The following CHST6 variants were observed in gnomAD, a reference collection of about 807,000 sequenced individuals.
CHST6 encodes carbohydrate sulfotransferase 6.
For synonymous variants in CHST6, 309 were observed against 276.4 expected (o/e 1.12, Z -1.17); for missense variants, 698 against 586.2 (o/e 1.19, Z -1.97).
Position 75,473,746 on chromosome 16 carries a change from T to C in CHST6, c.*4895A>G, listed in dbSNP as rs2080038674. 1 of 152,212 alleles carries C rather than the reference T, an allele frequency of 6.6e-6. No individual in the cohort carries two copies. Among genetic ancestry groups the C allele is most frequent in the South Asian group, 2.1e-4 (1 of 4,838 alleles). The allele number at this position is 152,212 out of a possible 1,614,324, so 9.4% of individuals were successfully genotyped here. ...TACCACCTTTGGAAGCCTAAAACTG[T>C]TGTCCTTGGTCATCCTATCTCTACA... On this transcript the variant is annotated 3_prime_UTR_variant, in exon 3 of 3. Coordinates refer to ENST00000332272, the MANE Select transcript of CHST6 (RefSeq NM_021615.5).
intron 1 of CHST6, among the ~76,000 whole-genome samples, chr16:75,487,393 G>A (rs1043697685): frequency 2.6e-5 from 4 of 152,150 alleles, no homozygotes; most frequent in Middle Eastern, 3.2e-3. Flanking sequence ...GGCCGGGAGT[G>A]GTGGCTCACA....
intron 1 of CHST6, among the ~76,000 whole-genome samples, chr16:75,488,730 T>C (rs1023418659): frequency 1.3e-5 from 2 of 151,850 alleles, no homozygotes; most frequent in African/African-American, 4.8e-5. Flanking sequence ...ATGCCTGTAA[T>C]CCCAGCACTT....
At chr16:75,494,565 G>C (rs1160475724) in intron 1 of CHST6, among the ~76,000 whole-genome samples, 3 of 152,194 alleles carry the variant, frequency 2.0e-5, no homozygotes, top group African/African-American at 7.2e-5. Flanking sequence ...CAGTGACGCA[G>C]GACTCCAATT....
chr16:75,480,733 A>C (rs1157371649), intron 2 of CHST6, among the ~76,000 whole-genome samples: 1 of 151,976 alleles, frequency 6.6e-6, no homozygotes, highest in Non-Finnish European at 1.5e-5. Flanking sequence ...GTTCAAGACC[A>C]GCTTGGTCAA....
At chr16:75,490,402 T>C (rs937222593) in intron 1 of CHST6, among the ~76,000 whole-genome samples, 5 of 151,832 alleles carry the variant, frequency 3.3e-5, no homozygotes, top group African/African-American at 1.2e-4. Flanking sequence ...CACTTGAACC[T>C]GGGAGGCAGA....
intron 2 of CHST6, among the ~76,000 whole-genome samples, chr16:75,480,648 G>A (rs374508921): frequency 5.3e-5 from 8 of 151,972 alleles, no homozygotes; most frequent in African/African-American, 1.2e-4. Context: ...GCAAATAGGC[G>A]CTGGGCGTGG....
Position 75,478,855 on chromosome 16 carries a change from T to C in CHST6, c.974A>G (p.Asn325Ser), listed in dbSNP as rs147206186. 1 of 1,613,334 alleles carries C rather than the reference T, an allele frequency of 6.2e-7. No homozygotes were observed. Among genetic ancestry groups the C allele is most frequent in the Non-Finnish European group, 8.5e-7 (1 of 1,179,976 alleles). Residue 325 changes from asparagine to serine, a missense_variant, in exon 3 of 3, where the codon AAT becomes AGT. Physicochemically the swap from Asn to Ser is conservative, Grantham distance 46 (BLOSUM62 1). Coordinates refer to ENST00000332272, the MANE Select transcript of CHST6 (RefSeq NM_021615.5). Reference protein sequence around the residue: ...RREAFKTSSRNALNVSQAWRH... With the variant: ...RREAFKTSSRSALNVSQAWRH... ...CCAGGCCTGGGAGACGTTGAGCGCA[T>C]TCCTGGACGAAGTCTTGAAGGCTTC... is the stretch of plus-strand genomic sequence containing the variant.
In CHST6 at chr16:75,480,655, G is replaced by A. The variant is rs186170503; in HGVS notation, c.-16-811C>T. On this transcript the variant is annotated intron_variant, in intron 2 of 2. Coordinates refer to ENST00000332272, the MANE Select transcript of CHST6 (RefSeq NM_021615.5). ...GAAAATAAGCAAATAGGCGCTGGGC[G>A]TGGTGGCTCACGCCTGTAATCCCAG... Among the ~76,000 whole-genome samples the A allele has an allele frequency of 2.3e-3, 343 of 152,074 alleles. 1 individual carries two copies. Among genetic ancestry groups the A allele is most frequent in the Admixed American group, 5.4e-3 (82 of 15,268 alleles).
In CHST6 at chr16:75,491,218, T is replaced by TAAAA. The variant is rs1555501764; in HGVS notation, c.-92+3718_-92+3721dup. Among the ~76,000 whole-genome samples the TAAAA allele has an allele frequency of 1.4e-4, 14 of 97,670 alleles. No individual in the cohort carries two copies. In the East Asian group the frequency reaches 4.7e-3, roughly 33 times the overall value. 64.1% of individuals were successfully genotyped at this position (97,670 alleles called of 152,430 possible). ...ATATATATATATATATATATATATA[T>TAAAA]AAAATATAATATACTTATATATAAT... On this transcript the variant is annotated intron_variant, in intron 1 of 2. Transcript: ENST00000332272.
At chr16:75,489,280 T>A (rs1216075598) in intron 1 of CHST6, among the ~76,000 whole-genome samples, 9 of 149,596 alleles carry the variant, frequency 6.0e-5, no homozygotes, top group African/African-American at 2.0e-4. Flanking sequence ...ATGCCTGTAA[T>A]CCCAGCTACT....
chr16:75,479,033 C>T lies in CHST6; in HGVS notation c.796G>A (p.Gly266Ser). Residue 266 changes from glycine (G) to serine (S), a missense_variant, in exon 3 of 3, where the codon GGC becomes AGC. Physicochemically the swap from Gly to Ser is moderately conservative, Grantham distance 56 (BLOSUM62 0). Transcript: ENST00000332272. ...TCGAAGCGCACCAGGCGGTAGCGGC[C>T]GCGCAGAAAGGGTGGCGGCTTGAGT... ...ATLKPPPFLR[G>S]RYRLVRFEDL... The T allele has an allele frequency of 1.9e-6, 3 of 1,609,762 alleles. No individual in the cohort carries two copies. Among genetic ancestry groups the T allele is most frequent in the Non-Finnish European group, 2.5e-6 (3 of 1,179,796 alleles).
intron 1 of CHST6, among the ~76,000 whole-genome samples, chr16:75,487,482 C>T (rs1419787557): frequency 3.3e-5 from 5 of 151,822 alleles, no homozygotes; most frequent in East Asian, 3.9e-4. Context: ...CTGACCAACA[C>T]GGTGAAACCC....
At chr16:75,485,337 G>C (rs941164117) in intron 1 of CHST6, among the ~76,000 whole-genome samples, 1 of 152,084 alleles carries the variant, frequency 6.6e-6, no homozygotes, top group Non-Finnish European at 1.5e-5. Context: ...ACGGTGGCTC[G>C]TGCCTGTAAT....
In CHST6 at chr16:75,491,190, A is replaced by AAAAAAAAAT. The variant is rs1206595857; in HGVS notation, c.-92+3749_-92+3750insATTTTTTTT. On this transcript the variant is annotated intron_variant, in intron 1 of 2. Transcript: ENST00000332272. ...TAAAAAAAAAAAAAAAAAAAAAAAA[A>AAAAAAAAAT]ATATATATATATATATATATATATA... 4.2e-4 allele frequency among the ~76,000 whole-genome samples: 21 copies of AAAAAAAAAT among 50,090 alleles called. 1 individual carries two copies. The highest frequency in any genetic ancestry group is 5.1e-4 in the Non-Finnish European group (17 of 33,370). 32.9% of individuals were successfully genotyped at this position (50,090 alleles called of 152,430 possible). A position where few individuals can be genotyped will look rare whatever the true frequency, so the allele number is the denominator to read the frequency against.
At position 75,477,744 on chromosome 16, in the gene CHST6, C is replaced by T. The variant is rs1371874308; in HGVS notation, c.*897G>A. ...TCCTCCAAGGCCTGGACCAGAAGGA[C>T]CAAGGGAAGACAGTTCCAGCCCAGA... On this transcript the variant is annotated 3_prime_UTR_variant, in exon 3 of 3. Coordinates refer to ENST00000332272, the MANE Select transcript of CHST6 (RefSeq NM_021615.5). 2 of 152,454 alleles carry T rather than the reference C, an allele frequency of 1.3e-5. No individual in the cohort carries two copies. Among genetic ancestry groups the T allele is most frequent in the Admixed American group, 1.3e-4 (2 of 15,290 alleles). The allele number at this position is 152,454 out of a possible 1,614,324, so 9.4% of individuals were successfully genotyped here.
intron 2 of CHST6, among the ~76,000 whole-genome samples, chr16:75,480,393 C>T (rs1045854309): frequency 3.3e-5 from 5 of 152,116 alleles, no homozygotes; most frequent in Admixed American, 6.5e-5. Context: ...TGGATCGCCC[C>T]GTGACTCAGT....
At chr16:75,488,274 G>A (rs2080222236) in intron 1 of CHST6, among the ~76,000 whole-genome samples, 1 of 151,888 alleles carries the variant, frequency 6.6e-6, no homozygotes, top group Non-Finnish European at 1.5e-5. Flanking sequence ...GACCAGCCTG[G>A]CCAACATGGT....
At chr16:75,489,741 A>T (rs1481933948) in intron 1 of CHST6, among the ~76,000 whole-genome samples, 1 of 151,676 alleles carries the variant, frequency 6.6e-6, no homozygotes, top group African/African-American at 2.4e-5. Context: ...CTCAACACAA[A>T]ATAGGCAAAT....
chr16:75,481,510 C>T (rs372476703), intron 2 of CHST6, among the ~76,000 whole-genome samples: 67 of 149,838 alleles, frequency 4.5e-4, no homozygotes, highest in African/African-American at 1.5e-3. Context: ...ACGTGAAAAT[C>T]GCTTGAACCC....
Sources: gnomAD v4.1 joint callset for allele counts (sites outside exome capture counted in the v4.1 genomes callset) on GRCh38, gnomAD v4.1.1 for gene constraint, MANE v1.5 for transcripts, NCBI Gene and HGNC (gene_info 2026-07-23, HGNC 2026-07-21) for gene names.